CREB5: variants seen among roughly 807,000 people sequenced by gnomAD.
CREB5 encodes cyclic AMP-responsive element-binding protein 5.
A neutral mutation model predicts 57.1 loss-of-function variants in CREB5; 19 were observed. The observed-to-expected ratio is 0.33, with a 90% CI of 0.23 to 0.49. The LOEUF (loss-of-function observed/expected upper bound fraction) is 0.49. Ranked by LOEUF, CREB5 falls within the 20% of genes least tolerant of loss-of-function variation. CREB5 has a pLI of 0.99. For synonymous variants in CREB5, 238 were observed against 238.3 expected (o/e 1.00, Z 0.01); for missense variants, 579 against 671.6 (o/e 0.86, Z 1.52).
intron 1 of CREB5, among the ~76,000 whole-genome samples, chr7:28,472,660 A>G (rs989916322): frequency 6.6e-6 from 1 of 152,136 alleles, no homozygotes; most frequent in Non-Finnish European, 1.5e-5. Flanking sequence ...ATCAGTCTCT[A>G]TCTTGGTCCT....
intron 4 of CREB5, among the ~76,000 whole-genome samples, chr7:28,522,744 C>G (rs898682575): frequency 6.6e-6 from 1 of 152,176 alleles, no homozygotes; most frequent in South Asian, 2.1e-4. Flanking sequence ...TGTTGAGCTT[C>G]GTCTTAGCTC....
At chr7:28,412,293 C>T (rs1171652922), upstream of CREB5, among the ~76,000 whole-genome samples, 1 of 152,154 alleles carries the variant, frequency 6.6e-6, no homozygotes, top group Non-Finnish European at 1.5e-5. Context: ...TTCCCATATC[C>T]ACTAGATGTG....
intron 7 of CREB5, 58 bp from the exon 8 acceptor site, chr7:28,804,141 C>T: frequency 6.6e-7 from 1 of 1,521,580 alleles, no homozygotes; most frequent in East Asian, 2.3e-5. Flanking sequence ...TTTTAAATCT[C>T]TATCATGTAC....
intron 1 of CREB5, among the ~76,000 whole-genome samples, chr7:28,390,826 A>AG (rs1787202407): frequency 1.3e-5 from 2 of 152,242 alleles, no homozygotes; most frequent in East Asian, 3.9e-4. Context: ...CAGTTCTTAG[A>AG]GTCTGGAATG....
intron 1 of CREB5, among the ~76,000 whole-genome samples, chr7:28,486,694 G>T (rs1389033207): frequency 1.9e-4 from 10 of 51,568 alleles, no homozygotes; most frequent in Non-Finnish European, 2.8e-4. Context: ...ATATATATAT[G>T]TTACTGTGTG....
chr7:28,615,224 A>G (rs776051393), intron 5 of CREB5: 1 of 152,246 alleles, frequency 6.6e-6, no homozygotes, highest in Non-Finnish European at 1.5e-5. Flanking sequence ...GTTGGGAGGT[A>G]AAATAGCTCA....
At chr7:28,599,894 T>A (rs1467239503) in intron 5 of CREB5, among the ~76,000 whole-genome samples, 4 of 152,200 alleles carry the variant, frequency 2.6e-5, no homozygotes, top group South Asian at 2.1e-4. Flanking sequence ...CCTTTTGTGA[T>A]GTGACCTGCA....
chr7:28,812,423 C>A (rs145171631), intron 9 of CREB5, among the ~76,000 whole-genome samples: 6 of 152,226 alleles, frequency 3.9e-5, no homozygotes, highest in Middle Eastern at 3.4e-3. Flanking sequence ...GGTAAATTTA[C>A]CCTTCGCTAG....
At chr7:28,787,075 C>T (rs139790413) in intron 7 of CREB5, among the ~76,000 whole-genome samples, 6 of 152,238 alleles carry the variant, frequency 3.9e-5, no homozygotes, top group East Asian at 3.9e-4. Flanking sequence ...GTCTAGGGTC[C>T]GCCCATACCT....
intron 7 of CREB5, among the ~76,000 whole-genome samples, chr7:28,773,170 CA>C (rs200564326): frequency 1.2e-3 from 180 of 147,852 alleles, no homozygotes; most frequent in Admixed American, 2.4e-3. Flanking sequence ...CAAAAACAAA[CA>C]AAAAAAAAAT....
chr7:28,700,402 A>G (rs1054514501), intron 5 of CREB5, among the ~76,000 whole-genome samples: 3 of 152,142 alleles, frequency 2.0e-5, no homozygotes, highest in African/African-American at 4.8e-5. Flanking sequence ...TTCCTTGGCT[A>G]TTTGCCTTCA....
At chr7:28,477,213 A>G (rs1038731397) in intron 1 of CREB5, among the ~76,000 whole-genome samples, 1 of 152,188 alleles carries the variant, frequency 6.6e-6, no homozygotes, top group Admixed American at 6.5e-5. Flanking sequence ...CAGTTTGTGA[A>G]CAATACCCCA....
intron 4 of CREB5, among the ~76,000 whole-genome samples, chr7:28,521,295 A>T (rs774602271): frequency 6.6e-6 from 1 of 152,208 alleles, no homozygotes; most frequent in Non-Finnish European, 1.5e-5. Context: ...TAAGGTAGTC[A>T]TTTCAGCCCA....
chr7:28,612,691 G>A (rs1015321031), intron 5 of CREB5, among the ~76,000 whole-genome samples: 6 of 151,844 alleles, frequency 4.0e-5, no homozygotes, highest in Admixed American at 3.3e-4. Flanking sequence ...TCTAATGTAT[G>A]CTATAGCTTT....
intron 1 of CREB5, among the ~76,000 whole-genome samples, chr7:28,377,046 A>T (rs899485145): frequency 7.2e-5 from 11 of 152,146 alleles, no homozygotes; most frequent in African/African-American, 2.2e-4. Flanking sequence ...GTAACCCTTG[A>T]CTCATGATCT....
chr7:28,404,153 GTTTAC>G (rs1310893100), intron 1 of CREB5, among the ~76,000 whole-genome samples: 1 of 152,134 alleles, frequency 6.6e-6, no homozygotes, highest in Non-Finnish European at 1.5e-5. Context: ...TCTGCTTTCT[GTTTAC>G]TTGTGATGAG....
rs1554300747 is a variant in CREB5, at chr7:28,797,960, G to GGA, written c.703-6239_703-6238insGA. 6.0e-4 allele frequency among the ~76,000 whole-genome samples: 90 copies of GGA among 149,292 alleles called. 1 individual carries two copies. The highest frequency in any genetic ancestry group is 2.1e-3 in the African/African-American group (86 of 40,738). The stretch of plus-strand genomic sequence containing the variant: ...TGTGGATCAACTGTGTTTGGAAAGT[G>GGA]AAAAAAAAAAGGAGAAATTACAGTA... On this transcript the variant is annotated intron_variant, in intron 7 of 10. Coordinates refer to ENST00000357727, the MANE Select transcript of CREB5 (RefSeq NM_182898.4).
intron 1 of CREB5, among the ~76,000 whole-genome samples, chr7:28,466,189 T>C (rs1451222383): frequency 2.2e-5 from 3 of 137,082 alleles, no homozygotes; most frequent in Non-Finnish European, 4.5e-5. Context: ...ATCGCTTTTA[T>C]CCTAAACATA....
chr7:28,688,045 A>C (rs951461843), intron 5 of CREB5, among the ~76,000 whole-genome samples: 2 of 152,212 alleles, frequency 1.3e-5, no homozygotes, highest in Non-Finnish European at 2.9e-5. Context: ...AGTATTTAGC[A>C]TAGCTTTTCA....
Sources: gnomAD v4.1 joint callset for allele counts (sites outside exome capture counted in the v4.1 genomes callset) on GRCh38, gnomAD v4.1.1 for gene constraint, MANE v1.5 for transcripts, NCBI Gene and HGNC (gene_info 2026-07-23, HGNC 2026-07-21) for gene names.